The following C2CD5 variants were observed in gnomAD, a reference collection of about 807,000 sequenced individuals.
The protein encoded by C2CD5 is C2 domain-containing protein 5.
A neutral mutation model predicts 130.3 loss-of-function variants in C2CD5; 109 were observed. The observed-to-expected ratio is 0.84, with a 90% CI of 0.72 to 0.98. The LOEUF (loss-of-function observed/expected upper bound fraction) is 0.98. C2CD5 is among the 50% of genes least tolerant of loss of function. C2CD5 has a pLI of 0.00. For synonymous variants in C2CD5, 454 were observed against 429.2 expected (o/e 1.06, Z -0.71); for missense variants, 996 against 1,261.8 (o/e 0.79, Z 3.19).
chr12:22,502,106 G>A (rs962072321), intron 10 of C2CD5, among the ~76,000 whole-genome samples: 5 of 151,584 alleles, frequency 3.3e-5, no homozygotes, highest in Admixed American at 2.0e-4. Flanking sequence ...GCTCACTATC[G>A]TAGTCTGTTT....
rs917876227 is a variant in C2CD5, at chr12:22,544,215, G to T, written c.-29-36C>A. ...AAACAAACGAGTCTGCGCCGAGCGC[G>T]GGGCCGGCGGGAGAGGGGCGGAGGC... On this transcript the variant is annotated intron_variant, in intron 1 of 26. Coordinates refer to ENST00000446597, the MANE Select transcript of C2CD5 (RefSeq NM_001286176.2). 1.3e-5 allele frequency: 20 copies of T among 1,536,494 alleles called. No individual in the cohort carries two copies. The African/African-American group carries it at 1.9e-4, about 15-fold the overall frequency.
intron 26 of C2CD5, 62 bp downstream of exon 26, chr12:22,453,834 T>C: frequency 6.7e-7 from 1 of 1,500,946 alleles, no homozygotes; most frequent in Admixed American, 1.7e-5. Context: ...GGGTTAGGGG[T>C]AGGAAGCCAT....
At chr12:22,454,548 T>C (rs1042556866) in intron 25 of C2CD5, among the ~76,000 whole-genome samples, 1 of 149,828 alleles carries the variant, frequency 6.7e-6, no homozygotes, top group African/African-American at 2.5e-5. Flanking sequence ...CACTGGCACA[T>C]GTTGCTCCTG....
At chr12:22,519,128 A>G (rs1950038210) in intron 7 of C2CD5, 3 of 1,535,774 alleles carry the variant, frequency 2.0e-6, no homozygotes, top group Admixed American at 2.0e-5. Context: ...TATAGATGAG[A>G]GTGGGAACAG....
In C2CD5 at chr12:22,523,659, A is replaced by G. The variant is rs758665435; in HGVS notation, c.602-35T>C. ...ATGGGAAATCTCATTCTTGCTTTGT[A>G]GCTTTACATTACATACTATAAGACT... On this transcript the variant is annotated intron_variant, in intron 6 of 26. Transcript: ENST00000446597. 4.0e-6 allele frequency: 6 copies of G among 1,508,594 alleles called. No individual in the cohort carries two copies. In the African/African-American group the frequency reaches 8.2e-5, roughly 21 times the overall value. The allele number at this position is 1,508,594 out of a possible 1,614,324, so 93.5% of individuals were successfully genotyped here. A position where few individuals can be genotyped will look rare whatever the true frequency, so the allele number is the denominator to read the frequency against.
intron 10 of C2CD5, among the ~76,000 whole-genome samples, chr12:22,504,310 T>C (rs1331672779): frequency 6.6e-6 from 1 of 151,506 alleles, no homozygotes; most frequent in Admixed American, 6.6e-5. Context: ...TTTTCTTTTT[T>C]TTTTTTTTTG....
intron 3 of C2CD5, among the ~76,000 whole-genome samples, chr12:22,528,390 A>G (rs1950919520): frequency 6.6e-6 from 1 of 152,180 alleles, no homozygotes; most frequent in Non-Finnish European, 1.5e-5. Context: ...ATAAACATCT[A>G]CCCTCTCTCC....
intron 14 of C2CD5, among the ~76,000 whole-genome samples, chr12:22,479,477 T>C (rs1337336222): frequency 6.6e-6 from 1 of 152,102 alleles, no homozygotes; most frequent in African/African-American, 2.4e-5. Context: ...AGATGCTCTA[T>C]CTTTAAAGGT....
chr12:22,453,824 G>C, intron 26 of C2CD5, 72 bp downstream of exon 26: 1 of 1,371,954 alleles, frequency 7.3e-7, no homozygotes, highest in Non-Finnish European at 1.0e-6. Flanking sequence ...CTTTTGGAGG[G>C]GGTTAGGGGT....
intron 2 of C2CD5, among the ~76,000 whole-genome samples, chr12:22,538,428 C>G (rs960830079): frequency 6.6e-6 from 1 of 152,122 alleles, no homozygotes; most frequent in Non-Finnish European, 1.5e-5. Flanking sequence ...ACAACTGCCT[C>G]TTGGTAAAGT....
At chr12:22,487,856 G>A (rs1945753444) in intron 12 of C2CD5, among the ~76,000 whole-genome samples, 1 of 152,124 alleles carries the variant, frequency 6.6e-6, no homozygotes, top group Non-Finnish European at 1.5e-5. Flanking sequence ...TAGACACCAT[G>A]GAATACTATG....
intron 10 of C2CD5, among the ~76,000 whole-genome samples, chr12:22,494,409 T>C (rs904338483): frequency 3.3e-5 from 5 of 152,038 alleles, no homozygotes; most frequent in Non-Finnish European, 7.4e-5. Flanking sequence ...AAAATATGTT[T>C]TTCAAAATTA....
chr12:22,474,677 A>G lies in C2CD5; in HGVS notation c.2043+74T>C, dbSNP rs892639647. 18 of 1,074,828 alleles carry G rather than the reference A, an allele frequency of 1.7e-5. No homozygotes were observed. In the African/African-American group the frequency reaches 2.7e-4, roughly 16 times the overall value. The allele number at this position is 1,074,828 out of a possible 1,614,324, so 66.6% of individuals were successfully genotyped here. ...AGTTGTAATGATATAAAAGTATCAT[A>G]TTAATTTAGCACGTGAAAAAATGTG... On this transcript the variant is annotated intron_variant, in intron 16 of 26. Coordinates refer to ENST00000446597, the MANE Select transcript of C2CD5 (RefSeq NM_001286176.2).
At chr12:22,494,743 T>G (rs1490348856) in intron 10 of C2CD5, among the ~76,000 whole-genome samples, 4 of 152,086 alleles carry the variant, frequency 2.6e-5, no homozygotes, top group Admixed American at 2.6e-4. Flanking sequence ...GACTACAATA[T>G]GGTATTAGCA....
intron 7 of C2CD5, chr12:22,519,009 A>G (rs1201715437): frequency 1.0e-6 from 1 of 957,702 alleles, no homozygotes; most frequent in East Asian, 2.8e-5. Context: ...AAAAGGATGA[A>G]GCAAAGATTT....
intron 2 of C2CD5, among the ~76,000 whole-genome samples, chr12:22,537,328 G>C (rs939370735): frequency 6.6e-6 from 1 of 152,182 alleles, no homozygotes; most frequent in African/African-American, 2.4e-5. Flanking sequence ...GGCAAGAGGA[G>C]CTTGAAGCCA....
chr12:22,492,672 T>C (rs1946501764), intron 11 of C2CD5, among the ~76,000 whole-genome samples: 1 of 152,098 alleles, frequency 6.6e-6, no homozygotes, highest in African/African-American at 2.4e-5. Context: ...AGGAGGAGAT[T>C]GTTCAAATGA....
In C2CD5 at chr12:22,497,566, T is replaced by C; in HGVS notation, c.1148-4229A>G. The C allele has an allele frequency of 4.4e-6, 4 of 909,508 alleles. 1 individual carries two copies. The South Asian group carries it at 1.5e-4, about 35-fold the overall frequency. 56.3% of individuals were successfully genotyped at this position (909,508 alleles called of 1,614,324 possible). ...TGTTAACGGACAGTATAAAAAGCTA[T>C]ATTCCCAAATACCTGAAAGTAACAT... On this transcript the variant is annotated intron_variant, in intron 10 of 26. Coordinates refer to ENST00000446597, the MANE Select transcript of C2CD5 (RefSeq NM_001286176.2).
At position 22,473,665 on chromosome 12, in the gene C2CD5, T is replaced by C. The variant is rs898238525; in HGVS notation, c.2044-858A>G. On this transcript the variant is annotated intron_variant, in intron 16 of 26. Transcript: ENST00000446597. ...CCCTAGATCAAACTTCAGGTAATGT[T>C]TGGCATCACCTGGAAAGTTTGTTAA... Among the ~76,000 whole-genome samples, 11 of 152,156 alleles carry C rather than the reference T, an allele frequency of 7.2e-5. No homozygotes were observed. The East Asian group carries it at 2.1e-3, about 29-fold the overall frequency.
Sources: gnomAD v4.1 joint callset for allele counts (sites outside exome capture counted in the v4.1 genomes callset) on GRCh38, gnomAD v4.1.1 for gene constraint, MANE v1.5 for transcripts, NCBI Gene and HGNC (gene_info 2026-07-23, HGNC 2026-07-21) for gene names.